CC2D2A: variants seen among roughly 807,000 people sequenced by gnomAD.
The protein encoded by CC2D2A is coiled-coil and C2 domain-containing protein 2A.
CC2D2A carries 155 observed loss-of-function variants against 212.9 expected under a neutral mutation model. The observed-to-expected ratio is 0.73, with a 90% CI of 0.64 to 0.83. CC2D2A has a LOEUF of 0.83. Among genes scored for constraint, CC2D2A ranks in the 40% least tolerant of loss-of-function variants. CC2D2A has a pLI of 0.00. For synonymous variants in CC2D2A, 667 were observed against 686.5 expected (o/e 0.97, Z 0.44); for missense variants, 1,856 against 1,956.2 (o/e 0.95, Z 0.97).
chr4:15,567,858 A>C (rs1719965071), intron 26 of CC2D2A, 72 bp downstream of exon 26: 1 of 1,115,742 alleles, frequency 9.0e-7, no homozygotes, highest in Admixed American at 3.1e-5. Context: ...GCTCATGAGA[A>C]ACGGCTAAGG....
At chr4:15,513,163 A>G (rs1375833159) in intron 8 of CC2D2A, among the ~76,000 whole-genome samples, 2 of 152,214 alleles carry the variant, frequency 1.3e-5, no homozygotes, top group African/African-American at 4.8e-5. Flanking sequence ...AGCTTATTCT[A>G]TAACAATCAT....
chr4:15,478,239 A>G (rs1250575897), intron 2 of CC2D2A, among the ~76,000 whole-genome samples: 2 of 152,258 alleles, frequency 1.3e-5, no homozygotes, highest in Non-Finnish European at 2.9e-5. Context: ...AGCATTTGTG[A>G]TGATGTAACA....
Position 15,502,468 on chromosome 4 carries a change from C to G in CC2D2A, c.287C>G (p.Ala96Gly). The change falls in exon 5 of 37, where the codon GCA becomes GGA. Residue 96 changes from alanine to glycine, a missense_variant. Ala to Gly is a moderately conservative substitution (Grantham distance 60, BLOSUM62 0). Coordinates refer to ENST00000424120, the MANE Select transcript of CC2D2A (RefSeq NM_001378615.1). ...PIPSTSRTGFAEFSMRGRMRE... is the reference protein window; with the variant it reads ...PIPSTSRTGFGEFSMRGRMRE... ...CCTTCAACTTCCAGAACAGGCTTTG[C>G]AGAATTTTCCATGAGGGGACGCATG... 1 of 1,608,258 alleles carries G rather than the reference C, an allele frequency of 6.2e-7. No individual in the cohort carries two copies. The highest frequency in any genetic ancestry group is 8.5e-7 in the Non-Finnish European group (1 of 1,178,468).
intron 16 of CC2D2A, among the ~76,000 whole-genome samples, chr4:15,539,800 A>C (rs910538450): frequency 1.3e-5 from 2 of 152,218 alleles, no homozygotes; most frequent in Non-Finnish European, 2.9e-5. Flanking sequence ...GTGGAGTCTA[A>C]GTCTTCAGTG....
chr4:15,557,675 CA>C (rs1475058205), intron 21 of CC2D2A, among the ~76,000 whole-genome samples, 168 bp downstream of exon 21: 1 of 152,078 alleles, frequency 6.6e-6, no homozygotes, highest in East Asian at 1.9e-4. Context: ...TTGAATTCAC[CA>C]TTTAAATAAT....
intron 30 of CC2D2A, 110 bp from the exon 31 acceptor site, chr4:15,586,047 T>C: frequency 1.4e-6 from 1 of 711,676 alleles, no homozygotes. Context: ...ATTAGTTTCA[T>C]TTTGTACATG....
intron 28 of CC2D2A, 123 bp downstream of exon 28, chr4:15,570,619 C>T: frequency 3.4e-6 from 2 of 580,956 alleles, no homozygotes; most frequent in South Asian, 4.0e-5. Context: ...CTTTGGGAGG[C>T]CAAGGAGGGC....
intron 24 of CC2D2A, among the ~76,000 whole-genome samples, chr4:15,564,936 C>G (rs1221905773): frequency 6.6e-6 from 1 of 152,202 alleles, no homozygotes; most frequent in African/African-American, 2.4e-5. Flanking sequence ...CTCTGCCTCC[C>G]AAAGTGCTGG....
intron 3 of CC2D2A, chr4:15,479,169 T>C: frequency 7.6e-7 from 1 of 1,322,666 alleles, no homozygotes; most frequent in Admixed American, 2.0e-5. Flanking sequence ...ATTACAAATC[T>C]TGGGAAACTC....
intron 7 of CC2D2A, among the ~76,000 whole-genome samples, chr4:15,510,517 G>T (rs1002449198): frequency 6.6e-6 from 1 of 152,156 alleles, no homozygotes; most frequent in Admixed American, 6.5e-5. Flanking sequence ...GATCACTTGA[G>T]CCCATGAGGT....
At chr4:15,477,180 T>C (rs1260700157) in intron 2 of CC2D2A, among the ~76,000 whole-genome samples, 1 of 151,906 alleles carries the variant, frequency 6.6e-6, no homozygotes, top group Non-Finnish European at 1.5e-5. Flanking sequence ...GGCATGCCTG[T>C]AATCCCAGCT....
Position 15,528,648 on chromosome 4 carries a change from C to CT in CC2D2A, c.1389dup (p.Gly464TrpfsTer3). The CT allele has an allele frequency of 6.2e-7, 1 of 1,613,870 alleles. No individual in the cohort carries two copies. The highest frequency in any genetic ancestry group is 8.5e-7 in the Non-Finnish European group (1 of 1,179,804). On this transcript the variant is annotated frameshift_variant, in exon 13 of 37. Coordinates refer to ENST00000424120, the MANE Select transcript of CC2D2A (RefSeq NM_001378615.1). LOFTEE classifies it high-confidence loss of function. Reference sequence around the variant, plus strand: ...CAAGCTTTAAGAAATGCTGTTCAGACTGGCCTTGATCCAGAAAAACCTCAT... The same window carrying CT: ...CAAGCTTTAAGAAATGCTGTTCAGACTTGGCCTTGATCCAGAAAAACCTCAT...
At chr4:15,488,003 G>A (rs918811024) in intron 4 of CC2D2A, among the ~76,000 whole-genome samples, 4 of 151,706 alleles carry the variant, frequency 2.6e-5, no homozygotes, top group Non-Finnish European at 4.4e-5. Flanking sequence ...ATATCTTTTT[G>A]TACTGTCTAT....
At chr4:15,482,716 C>T (rs1385427947) in intron 4 of CC2D2A, among the ~76,000 whole-genome samples, 1 of 152,144 alleles carries the variant, frequency 6.6e-6, no homozygotes, top group African/African-American at 2.4e-5. Context: ...CAGTCCTTAG[C>T]ACAACTACTG....
At chr4:15,571,458 T>C (rs1720159954) in intron 28 of CC2D2A, among the ~76,000 whole-genome samples, 1 of 152,166 alleles carries the variant, frequency 6.6e-6, no homozygotes. Context: ...ATCACTGTAA[T>C]GTCCACACAG....
rs1719718579 is a variant in CC2D2A at position 15,563,503 on chromosome 4, G to A, written c.3163G>A (p.Val1055Met). The stretch of plus-strand genomic sequence containing the variant: ...CATTGTGCGAGCTTACGACATTCCA[G>A]TGAGGAAGCCGGCAGTGAGGTGAGA... ...VNIVRAYDIP[V>M]RKPAVSKFQQ... is the part of the protein sequence containing the mutation. The change falls in exon 24 of 37, where the codon GTG becomes ATG. Residue 1055 changes from valine to methionine, a missense_variant. By Grantham distance (21) the Val-to-Met change is conservative. Coordinates refer to ENST00000424120, the MANE Select transcript of CC2D2A (RefSeq NM_001378615.1). 1 of 1,612,204 alleles carries A rather than the reference G, an allele frequency of 6.2e-7. No individual in the cohort carries two copies. The highest frequency in any genetic ancestry group is 1.7e-4 in the Middle Eastern group (1 of 6,024).
At chr4:15,535,485 C>A (rs954159290) in intron 14 of CC2D2A, among the ~76,000 whole-genome samples, 4 of 151,666 alleles carry the variant, frequency 2.6e-5, no homozygotes, top group African/African-American at 9.7e-5. Context: ...TTTTCACATT[C>A]TTGATTCATC....
In CC2D2A at chr4:15,483,769, C is replaced by T. The variant is rs1577314917; in HGVS notation, c.247+2942C>T. ...CAGTGTGCTCCACTTTGGTTGACTC[C>T]TTACTGGCCTCTGAATGCCTCGTGA... On this transcript the variant is annotated intron_variant, in intron 4 of 36. Coordinates refer to ENST00000424120, the MANE Select transcript of CC2D2A (RefSeq NM_001378615.1). Among the ~76,000 whole-genome samples the T allele has an allele frequency of 2.6e-5, 4 of 152,284 alleles. 1 individual carries two copies. The highest frequency in any genetic ancestry group is 2.6e-4 in the Admixed American group (4 of 15,304).
chr4:15,569,788 G>A (rs578153406), intron 27 of CC2D2A, among the ~76,000 whole-genome samples: 1 of 152,320 alleles, frequency 6.6e-6, no homozygotes, highest in East Asian at 1.9e-4. Context: ...AGCAAAATTA[G>A]GAATGCCTCT....
Sources: gnomAD v4.1 joint callset for allele counts (sites outside exome capture counted in the v4.1 genomes callset) on GRCh38, gnomAD v4.1.1 for gene constraint, MANE v1.5 for transcripts, NCBI Gene and HGNC (gene_info 2026-07-23, HGNC 2026-07-21) for gene names.